LIFR: variants seen among roughly 807,000 people sequenced by gnomAD.
LIFR encodes leukemia inhibitory factor receptor.
Under a neutral mutation model 122.2 loss-of-function variants are expected in LIFR, and 84 were observed. The ratio of observed to expected loss-of-function variants is 0.69; its 90% CI spans 0.58 to 0.82. The LOEUF is 0.82. Among genes scored for constraint, LIFR ranks in the 40% least tolerant of loss-of-function variants. LIFR has a pLI of 0.00. For missense variants in LIFR, 1,294 were observed against 1,311.6 expected, an observed-to-expected ratio of 0.99 and a Z score of 0.21; for synonymous variants, 422 against 434.7, an observed-to-expected ratio of 0.97 and a Z score of 0.36.
At position 38,604,707 on chromosome 5, in the gene LIFR, A is replaced by C. The variant is rs553416696; in HGVS notation, n.305+1498T>G. Among the ~76,000 whole-genome samples the C allele has an allele frequency of 7.2e-4, 109 of 152,214 alleles. 1 individual carries two copies. The highest frequency in any genetic ancestry group is 2.4e-3 in the African/African-American group (99 of 41,558). ...CAGGGCAAGACTCTGTCTCAAAAAA[A>C]AAAACAAAACAAAAAACAAGTTTAT... On this transcript the variant is annotated intron_variant and non_coding_transcript_variant, in intron 2 of 3. Transcript: ENST00000507786.
At chr5:38,545,429 T>C (rs1377452583) in intron 1 of LIFR, among the ~76,000 whole-genome samples, 1 of 152,174 alleles carries the variant, frequency 6.6e-6, no homozygotes, top group Non-Finnish European at 1.5e-5. Flanking sequence ...TATGTAACAA[T>C]GTTGCCTGGG....
At chr5:38,582,051 T>C (rs1023753363) in intron 1 of LIFR, among the ~76,000 whole-genome samples, 1 of 135,150 alleles carries the variant, frequency 7.4e-6, no homozygotes, top group Non-Finnish European at 1.6e-5. Context: ...CCACTTCTTT[T>C]TTTTTCCTTT....
rs1561157647 is a variant in LIFR, at chr5:38,508,563, C to T, written c.991+1901G>A. On this transcript the variant is annotated intron_variant, in intron 7 of 19. Transcript: ENST00000453190. ...TGTGTGTAGGGAAAAACTAACAAGC[C>T]GATTATAAATTTCTTTTTCTTTTTT... Among the ~76,000 whole-genome samples, 4 of 151,578 alleles carry T rather than the reference C, an allele frequency of 2.6e-5. No homozygotes were observed. In the South Asian group the frequency reaches 8.3e-4, roughly 32 times the overall value.
At chr5:38,483,329 T>C (rs1450159233) in intron 18 of LIFR, among the ~76,000 whole-genome samples, 1 of 152,256 alleles carries the variant, frequency 6.6e-6, no homozygotes, top group Non-Finnish European at 1.5e-5. Context: ...AAAATAACTT[T>C]GTTAATGTGA....
chr5:38,542,789 T>C (rs1388970256), intron 1 of LIFR, among the ~76,000 whole-genome samples: 1 of 152,184 alleles, frequency 6.6e-6, no homozygotes, highest in African/African-American at 2.4e-5. Context: ...CCCACTCCAC[T>C]CTTCCTTGTC....
intron 5 of LIFR, among the ~76,000 whole-genome samples, chr5:38,517,521 GC>G (rs1172236925): frequency 6.6e-6 from 1 of 152,114 alleles, no homozygotes; most frequent in Non-Finnish European, 1.5e-5. Flanking sequence ...GACAAGACTT[GC>G]CATTAGAATC....
In LIFR at chr5:38,478,727, A is replaced by C. The variant is rs1185127119; in HGVS notation, c.*2868T>G. On this transcript the variant is annotated 3_prime_UTR_variant, in exon 20 of 20. Coordinates refer to ENST00000453190, the MANE Select transcript of LIFR (RefSeq NM_001127671.2). ...TTGAAACTGGCTTGTAAGTGAATTG[A>C]CTTGTAAGAGAGGTAAAAATGTGTC... 4.7e-6 allele frequency: 1 copy of C among 212,844 alleles called. No individual in the cohort carries two copies. Among genetic ancestry groups the C allele is most frequent in the Non-Finnish European group, 9.5e-6 (1 of 104,902 alleles). The allele number at this position is 212,844 out of a possible 1,614,324, so 13.2% of individuals were successfully genotyped here.
intron 1 of LIFR, among the ~76,000 whole-genome samples, chr5:38,565,141 T>A (rs545772444): frequency 5.3e-5 from 8 of 152,326 alleles, no homozygotes; most frequent in Non-Finnish European, 8.8e-5. Flanking sequence ...GAGCCTTGGA[T>A]GTTTAATACT....
intron 6 of LIFR, among the ~76,000 whole-genome samples, chr5:38,511,192 C>T (rs1022623772): frequency 5.9e-5 from 9 of 152,166 alleles, no homozygotes; most frequent in Non-Finnish European, 1.0e-4. Flanking sequence ...GTACTCCACA[C>T]CCTAAAAAAC....
chr5:38,562,622 G>C (rs1287625794), intron 1 of LIFR, among the ~76,000 whole-genome samples: 2 of 152,200 alleles, frequency 1.3e-5, no homozygotes, highest in African/African-American at 4.8e-5. Flanking sequence ...CGTTGCCAGA[G>C]GCATCTTGTG....
At chr5:38,523,214 C>T (rs1310790506) in intron 5 of LIFR, among the ~76,000 whole-genome samples, 2 of 152,116 alleles carry the variant, frequency 1.3e-5, no homozygotes, top group African/African-American at 4.8e-5. Flanking sequence ...CCCCTAATTT[C>T]CTATGCTATC....
chr5:38,519,454 C>T (rs1046002277), intron 5 of LIFR, among the ~76,000 whole-genome samples: 4 of 152,108 alleles, frequency 2.6e-5, no homozygotes, highest in Admixed American at 2.6e-4. Context: ...ATTATCATTT[C>T]TGTGTTGGGA....
chr5:38,595,632 G>T (rs1387258943), upstream of LIFR, among the ~76,000 whole-genome samples: 1 of 152,080 alleles, frequency 6.6e-6, no homozygotes, highest in Non-Finnish European at 1.5e-5. Context: ...CCCAGGTTAG[G>T]AGTCAGCAGT....
rs531736082 is a variant in LIFR, at chr5:38,477,316, G to A, written c.*4279C>T. ...GCTAAGTCTAAAAGATGAATGTTCT[G>A]TAACTTTGGCCATAAATCATTTTCT... On this transcript the variant is annotated 3_prime_UTR_variant, in exon 20 of 20. Coordinates refer to ENST00000453190, the MANE Select transcript of LIFR (RefSeq NM_001127671.2). 9.1e-6 allele frequency: 2 copies of A among 218,820 alleles called. No homozygotes were observed. Among genetic ancestry groups the A allele is most frequent in the South Asian group, 3.7e-4 (2 of 5,404 alleles). 13.6% of individuals were successfully genotyped at this position (218,820 alleles called of 1,614,324 possible).
intron 1 of LIFR, among the ~76,000 whole-genome samples, chr5:38,535,240 C>G (rs968053634): frequency 5.3e-5 from 8 of 152,328 alleles, no homozygotes; most frequent in Admixed American, 3.3e-4. Context: ...CTTAGGCCAG[C>G]ACCCTTTTTC....
rs754251807 is a variant in LIFR at position 38,502,817 on chromosome 5, AAT to A, written c.1438-20_1438-19del. On this transcript the variant is annotated intron_variant, in intron 10 of 19. Transcript: ENST00000453190. ...ACATTCCGCTATTGGAAAACAAATA[AAT>A]ATATATATATGTATATATTATGTGT... 9.2e-5 allele frequency: 123 copies of A among 1,339,496 alleles called. No individual in the cohort carries two copies. The highest frequency in any genetic ancestry group is 1.0e-4 in the Non-Finnish European group (100 of 959,020). 83.0% of individuals were successfully genotyped at this position (1,339,496 alleles called of 1,614,324 possible).
At chr5:38,496,993 C>A (rs1744917530) in intron 12 of LIFR, among the ~76,000 whole-genome samples, 1 of 151,512 alleles carries the variant, frequency 6.6e-6, no homozygotes. Flanking sequence ...AAAAAACAAC[C>A]AGTTACAAGG....
chr5:38,547,263 G>A (rs1032472989), intron 1 of LIFR, among the ~76,000 whole-genome samples: 1 of 152,186 alleles, frequency 6.6e-6, no homozygotes, highest in Non-Finnish European at 1.5e-5. Context: ...TCACCTGCAA[G>A]TCTCACACGT....
rs3110234 is a variant in LIFR, at chr5:38,485,963, C to T, written c.2353G>A (p.Val785Ile). The change falls in exon 17 of 20, where the codon GTT (valine) becomes ATT (isoleucine). Residue 785 changes from valine (V) to isoleucine (I), a missense_variant. Transcript: ENST00000453190. The stretch of plus-strand genomic sequence containing the variant: ...TGGGATATGTCAGTAATATTCTTAA[C>T]TTTTATGTCAGAACGACCTATTTTT... ...VLESGRSDIK[V>I]KNITDISQKT... 0.2 allele frequency: 329,035 copies of T among 1,610,922 alleles called. 35,958 individuals are homozygous for T. The highest frequency in any genetic ancestry group is 0.27 in the Admixed American group (15,948 of 59,998).
Sources: gnomAD v4.1 joint callset for allele counts (sites outside exome capture counted in the v4.1 genomes callset) on GRCh38, gnomAD v4.1.1 for gene constraint, MANE v1.5 for transcripts, NCBI Gene and HGNC (gene_info 2026-07-23, HGNC 2026-07-21) for gene names.